Variants in AFF3 observed in about 807,000 individuals in gnomAD.
AFF3 encodes ALF transcription elongation factor 3.
Under a neutral mutation model 129.7 loss-of-function variants are expected in AFF3, and 32 were observed. The ratio of observed to expected loss-of-function variants is 0.25; its 90% CI spans 0.19 to 0.33. The LOEUF (loss-of-function observed/expected upper bound fraction) is 0.33, where lower values mean the gene tolerates loss of function less well. Among genes scored for constraint, AFF3 ranks in the 10% least tolerant of loss-of-function variants. AFF3 has a pLI of 1.00. For missense variants in AFF3, 1,373 were observed against 1,592.0 expected (o/e 0.86, Z 2.34); for synonymous variants, 644 against 635.4 (o/e 1.01, Z -0.20).
At chr2:99,634,430 T>C (rs1683424284) in intron 13 of AFF3, among the ~76,000 whole-genome samples, 1 of 152,192 alleles carries the variant, frequency 6.6e-6, no homozygotes, top group African/African-American at 2.4e-5. Flanking sequence ...GGAATCTGCA[T>C]GGTCTCCACA....
intron 10 of AFF3, among the ~76,000 whole-genome samples, chr2:99,739,343 C>T (rs958473139): frequency 6.6e-6 from 1 of 152,100 alleles, no homozygotes; most frequent in Admixed American, 6.6e-5. Flanking sequence ...CTTTCCAGAA[C>T]ACAACTAAAT....
chr2:99,702,745 T>C (rs1456590514), intron 11 of AFF3, among the ~76,000 whole-genome samples: 1 of 152,228 alleles, frequency 6.6e-6, no homozygotes, highest in Non-Finnish European at 1.5e-5. Flanking sequence ...CTTTCATCCA[T>C]TGTTGTAACT....
chr2:100,027,643 A>G (rs1684153288), intron 4 of AFF3, among the ~76,000 whole-genome samples: 1 of 152,156 alleles, frequency 6.6e-6, no homozygotes, highest in Non-Finnish European at 1.5e-5. Flanking sequence ...TTTTTGCATA[A>G]AACTGTATCC....
intron 7 of AFF3, among the ~76,000 whole-genome samples, chr2:100,004,940 G>A (rs1192703010): frequency 6.6e-6 from 1 of 152,010 alleles, no homozygotes; most frequent in Non-Finnish European, 1.5e-5. Flanking sequence ...AGCATGACTG[G>A]CCTTTTTGAA....
At chr2:99,945,363 T>C (rs567436023) in intron 7 of AFF3, among the ~76,000 whole-genome samples, 11 of 152,320 alleles carry the variant, frequency 7.2e-5, no homozygotes, top group Non-Finnish European at 1.3e-4. Flanking sequence ...GAACCTCCTA[T>C]TTCTGCTGAT....
chr2:99,553,490 T>C (rs958761228), intron 24 of AFF3, among the ~76,000 whole-genome samples: 16 of 152,180 alleles, frequency 1.1e-4, no homozygotes, highest in Non-Finnish European at 2.1e-4. Flanking sequence ...GTAGGGCCAA[T>C]AGTAAATTAG....
At chr2:100,100,868 G>A (rs1690673536) in intron 4 of AFF3, among the ~76,000 whole-genome samples, 1 of 152,238 alleles carries the variant, frequency 6.6e-6, no homozygotes, top group Non-Finnish European at 1.5e-5. Flanking sequence ...GAAGACCAGG[G>A]AGTGGAGGGG....
chr2:99,655,544 C>T (rs558203910), intron 12 of AFF3, among the ~76,000 whole-genome samples: 4 of 152,056 alleles, frequency 2.6e-5, no homozygotes, highest in African/African-American at 4.8e-5. Context: ...CACTGTGCTG[C>T]GGTTCGGCAA....
At chr2:99,897,464 T>C (rs1365006427) in intron 7 of AFF3, among the ~76,000 whole-genome samples, 1 of 152,162 alleles carries the variant, frequency 6.6e-6, no homozygotes, top group Non-Finnish European at 1.5e-5. Context: ...AATGTCTCTT[T>C]GGCCAGGTCT....
At chr2:99,686,710 G>A (rs971664811) in intron 11 of AFF3, among the ~76,000 whole-genome samples, 1 of 152,182 alleles carries the variant, frequency 6.6e-6, no homozygotes, top group African/African-American at 2.4e-5. Context: ...CCCCAAATGG[G>A]CCATTTTTCC....
At chr2:99,780,811 A>G (rs948766447) in intron 8 of AFF3, among the ~76,000 whole-genome samples, 1 of 152,076 alleles carries the variant, frequency 6.6e-6, no homozygotes, top group Admixed American at 6.6e-5. Flanking sequence ...TGTATCCTGG[A>G]TCTAGTCACC....
intron 13 of AFF3, among the ~76,000 whole-genome samples, chr2:99,613,392 C>G (rs988423341): frequency 6.6e-6 from 1 of 152,090 alleles, no homozygotes; most frequent in Non-Finnish European, 1.5e-5. Flanking sequence ...AATGGCAATT[C>G]TTTGATATCT....
At chr2:99,992,312 G>C (rs1238282554) in intron 7 of AFF3, among the ~76,000 whole-genome samples, 1 of 152,150 alleles carries the variant, frequency 6.6e-6, no homozygotes, top group Non-Finnish European at 1.5e-5. Context: ...GTGGTCACCA[G>C]AGAAATCACA....
intron 7 of AFF3, among the ~76,000 whole-genome samples, chr2:99,841,128 C>T (rs1360155821): frequency 3.9e-5 from 6 of 152,204 alleles, no homozygotes; most frequent in African/African-American, 1.4e-4. Flanking sequence ...GGTTTAATTC[C>T]TTAAAGCTAA....
At chr2:99,948,042 G>A (rs541715710) in intron 7 of AFF3, among the ~76,000 whole-genome samples, 1 of 152,266 alleles carries the variant, frequency 6.6e-6, no homozygotes, top group Non-Finnish European at 1.5e-5. Context: ...AGAAGGTTGT[G>A]ACAATTGTAT....
At chr2:100,059,067 A>G (rs1399465908) in intron 4 of AFF3, among the ~76,000 whole-genome samples, 1 of 152,078 alleles carries the variant, frequency 6.6e-6, no homozygotes, top group African/African-American at 2.4e-5. Context: ...AGCCTGGCCA[A>G]CATGGTGAAA....
intron 4 of AFF3, among the ~76,000 whole-genome samples, chr2:100,026,785 C>T (rs1684085678): frequency 6.6e-6 from 1 of 150,772 alleles, no homozygotes; most frequent in Non-Finnish European, 1.5e-5. Context: ...TTGCAGTGAC[C>T]TGGATAAGAC....
chr2:99,614,660 A>C (rs1268097011), intron 13 of AFF3, among the ~76,000 whole-genome samples: 1 of 152,240 alleles, frequency 6.6e-6, no homozygotes, highest in Non-Finnish European at 1.5e-5. Context: ...CTAACACTCG[A>C]AACATTTCTT....
At chr2:99,592,584 A>T (rs1387823299) in intron 15 of AFF3, among the ~76,000 whole-genome samples, 1 of 152,184 alleles carries the variant, frequency 6.6e-6, no homozygotes, top group Non-Finnish European at 1.5e-5. Context: ...ACGCTTGATA[A>T]ATATTTCCTA....
Sources: gnomAD v4.1 joint callset for allele counts (sites outside exome capture counted in the v4.1 genomes callset) on GRCh38, gnomAD v4.1.1 for gene constraint, MANE v1.5 for transcripts, NCBI Gene and HGNC (gene_info 2026-07-23, HGNC 2026-07-21) for gene names.